The following PACS2 variants were observed in gnomAD, a reference collection of about 807,000 sequenced individuals.
The protein encoded by PACS2 is phosphofurin acidic cluster sorting protein 2, also known as PACS1-like protein.
PACS2 carries 36 observed loss-of-function variants against 113.0 expected under a neutral mutation model. That is an observed-to-expected ratio of 0.32 (90% CI 0.24 to 0.42). The LOEUF is 0.42. Ranked by LOEUF, PACS2 falls within the 10% of genes least tolerant of loss-of-function variation. The probability of loss-of-function intolerance (pLI) is 1.00; values close to 1 mark genes in which losing one functional copy is unlikely to be tolerated. For synonymous variants in PACS2, 589 were observed against 536.1 expected, an observed-to-expected ratio of 1.10 and a Z score of -1.36; for missense variants, 1,015 against 1,239.5, an observed-to-expected ratio of 0.82 and a Z score of 2.72.
chr14:105,335,262 C>T (rs1005613466), intron 1 of PACS2, among the ~76,000 whole-genome samples: 4 of 152,264 alleles, frequency 2.6e-5, no homozygotes, highest in Non-Finnish European at 5.9e-5. Flanking sequence ...TTGCTGGAGC[C>T]GTGGTGCTCC....
chr14:105,388,134 C>T (rs1842553135), intron 19 of PACS2, among the ~76,000 whole-genome samples: 1 of 152,164 alleles, frequency 6.6e-6, no homozygotes, highest in African/African-American at 2.4e-5. Context: ...GGAACTAGGC[C>T]TGGGGCATCT....
chr14:105,352,102 G>A (rs782606100), intron 2 of PACS2, among the ~76,000 whole-genome samples: 12 of 152,214 alleles, frequency 7.9e-5, no homozygotes, highest in East Asian at 1.9e-4. Context: ...TTTTGTGATC[G>A]CGTTAACTTC....
Position 105,340,956 on chromosome 14 carries a change from C to G in PACS2, c.120-7537C>G, listed in dbSNP as rs587656369. On this transcript the variant is annotated intron_variant, in intron 1 of 24. Transcript: ENST00000447393. This position sits in a 1 kb window ranked among gnomAD's most constrained non-coding sequence, Gnocchi z 4.2. ...CCGTCTCTGGCCACGTAGCCGTCAC[C>G]CAGCTAGCATGGGGAGGCTCGCTAC... 2.0e-5 allele frequency among the ~76,000 whole-genome samples: 3 copies of G among 152,352 alleles called. No individual in the cohort carries two copies. The highest frequency in any genetic ancestry group is 7.2e-5 in the African/African-American group (3 of 41,586).
chr14:105,318,152 G>T (rs1409414637), intron 1 of PACS2, among the ~76,000 whole-genome samples: 2 of 152,252 alleles, frequency 1.3e-5, no homozygotes, highest in South Asian at 2.1e-4. Flanking sequence ...TATGTATTTT[G>T]TTGTTGTTGT....
At chr14:105,368,941 T>C (rs2061050661) in intron 7 of PACS2, among the ~76,000 whole-genome samples, 1 of 152,242 alleles carries the variant, frequency 6.6e-6, no homozygotes. Flanking sequence ...CCCAGGAGCT[T>C]GGCAGGGCTG....
At position 105,391,745 on chromosome 14, in the gene PACS2, G is replaced by A; in HGVS notation, c.2234G>A (p.Ser745Asn). The change falls in exon 22 of 25, where the codon AGC becomes AAC. Residue 745 changes from serine to asparagine, a missense_variant. Physicochemically the swap from Ser to Asn is conservative, Grantham distance 46. Around this residue, in one of 3 missense-constraint regions of PACS2, gnomAD observed 859 missense variants for 1,056.8 expected, o/e 0.81. Transcript: ENST00000447393. Reference protein sequence around the residue: ...SPTPPSSPSVSGGLSSPSQGV... With the variant: ...SPTPPSSPSVNGGLSSPSQGV... ...ACCCCGCCCTCCTCCCCGTCGGTGA[G>A]CGGAGGCCTGTCCTCCCCCAGGTAA... The A allele has an allele frequency of 6.3e-7, 1 of 1,595,636 alleles. No individual in the cohort carries two copies. The highest frequency in any genetic ancestry group is 8.5e-7 in the Non-Finnish European group (1 of 1,172,208).
At chr14:105,313,299 C>T (rs2058402053), upstream of PACS2, among the ~76,000 whole-genome samples, 2 of 152,198 alleles carry the variant, frequency 1.3e-5, no homozygotes, top group Admixed American at 6.6e-5. Flanking sequence ...ACAGCCTGTC[C>T]TCCTGGGGTA....
chr14:105,364,288 G>A (rs1250612958), intron 4 of PACS2, among the ~76,000 whole-genome samples: 3 of 138,216 alleles, frequency 2.2e-5, no homozygotes, highest in African/African-American at 1.0e-4. Flanking sequence ...GGTGGGCGGC[G>A]GCCTGCGGGT....
intron 1 of PACS2, among the ~76,000 whole-genome samples, chr14:105,334,657 C>G (rs1208933987): frequency 6.6e-6 from 1 of 152,186 alleles, no homozygotes; most frequent in African/African-American, 2.4e-5. Context: ...TAGAGCTCCA[C>G]CTGAGGGCCA....
rs1197920027 is a variant in PACS2 at position 105,394,669 on chromosome 14, C to G, written c.2712C>G (p.Phe904Leu). 1 of 1,604,742 alleles carries G rather than the reference C, an allele frequency of 6.2e-7. No individual in the cohort carries two copies. The highest frequency in any genetic ancestry group is 2.2e-5 in the East Asian group (1 of 44,840). ...TCTTCGGACACTCCAAGGCCACCTT[C>G]TAGCCCCACCCACCAGGGGGCCCAC... ...ICIFGHSKAT[F>L] Residue 904 changes from phenylalanine to leucine, a missense_variant, in exon 25 of 25, where the codon TTC becomes TTG. Phe to Leu is a conservative substitution (Grantham distance 22). Coordinates refer to ENST00000447393, the MANE Select transcript of PACS2 (RefSeq NM_001100913.3).
chr14:105,337,909 C>T (rs587726325), intron 1 of PACS2, among the ~76,000 whole-genome samples: 2 of 152,360 alleles, frequency 1.3e-5, no homozygotes, highest in South Asian at 2.1e-4. Flanking sequence ...TCTCAGCCCC[C>T]ACATGTGCAC....
chr14:105,326,905 G>T (rs587635832), intron 1 of PACS2, among the ~76,000 whole-genome samples: 1 of 152,294 alleles, frequency 6.6e-6, no homozygotes, highest in South Asian at 2.1e-4. Context: ...CTGTTCCTTC[G>T]GCTCCTGCAG....
In PACS2 at chr14:105,380,128, G is replaced by C. The variant is rs782010997; in HGVS notation, c.1099G>C (p.Asp367His). 6.4e-7 allele frequency: 1 copy of C among 1,552,704 alleles called. No homozygotes were observed. Among genetic ancestry groups the C allele is most frequent in the South Asian group, 1.2e-5 (1 of 84,156 alleles). Reference sequence around the variant, plus strand: ...GTCCCTGGGAGGCAGGCAGCCGAGCGACAGTGTCTCTGACACGGTGGCCCT... The same window carrying C: ...GTCCCTGGGAGGCAGGCAGCCGAGCCACAGTGTCTCTGACACGGTGGCCCT... ...TRSLGGRQPS[D>H]SVSDTVALGV... is the part of the protein sequence containing the mutation. The change falls in exon 11 of 25, where the codon GAC (aspartate) becomes CAC (histidine). Residue 367 changes from aspartate (D) to histidine (H), a missense_variant. Asp to His is a moderately conservative substitution (Grantham distance 81). Around this residue, in one of 3 missense-constraint regions of PACS2, gnomAD observed 859 missense variants for 1,056.8 expected, o/e 0.81. Coordinates refer to ENST00000447393, the MANE Select transcript of PACS2 (RefSeq NM_001100913.3).
chr14:105,317,855 G>A lies in PACS2; in HGVS notation c.119+2818G>A, dbSNP rs1433857136. ...GAGGCAGCCGGAGAAGTCTGCCCCC[G>A]GGAGCTTGAACTGGGCATGCTGGGC... On this transcript the variant is annotated intron_variant, in intron 1 of 24. Coordinates refer to ENST00000447393, the MANE Select transcript of PACS2 (RefSeq NM_001100913.3). This position sits in a 1 kb window ranked among gnomAD's most constrained non-coding sequence, Gnocchi z 4.2. 6.6e-6 allele frequency among the ~76,000 whole-genome samples: 1 copy of A among 152,148 alleles called. No individual in the cohort carries two copies. The highest frequency in any genetic ancestry group is 1.5e-5 in the Non-Finnish European group (1 of 68,040).
rs2058282037 is a variant in PACS2, at chr14:105,309,356, A to C, written c.-83+8377A>C. On this transcript the variant is annotated intron_variant, in intron 1 of 23. Transcript: ENST00000430725. The surrounding 1 kb of genome is among the most constrained non-coding windows in gnomAD (Gnocchi z 4.0). ...GATTTGTCACACAATCACATATCTG[A>C]GAATTTCCCCATGTTGCTAAAACTG... 2.0e-5 allele frequency among the ~76,000 whole-genome samples: 3 copies of C among 151,946 alleles called. No homozygotes were observed. The highest frequency in any genetic ancestry group is 4.1e-4 in the South Asian group (2 of 4,830).
chr14:105,388,612 G>A (rs1439387731), intron 19 of PACS2: 1 of 152,308 alleles, frequency 6.6e-6, no homozygotes, highest in African/African-American at 2.4e-5. Context: ...TCTGCACCTG[G>A]TGCCGGGCTG....
rs917186951 is a variant in PACS2 at position 105,323,456 on chromosome 14, C to T, written c.119+8419C>T. Among the ~76,000 whole-genome samples, 2 of 152,232 alleles carry T rather than the reference C, an allele frequency of 1.3e-5. No individual in the cohort carries two copies. Among genetic ancestry groups the T allele is most frequent in the Admixed American group, 6.5e-5 (1 of 15,288 alleles). On this transcript the variant is annotated intron_variant, in intron 1 of 24. Transcript: ENST00000447393. The surrounding 1 kb of genome is among the most constrained non-coding windows in gnomAD (Gnocchi z 4.1). ...CCGCTGCCAGCCTGCACGAGACTCT[C>T]ACGGCGGGACCCTGTCTGCCTTGCT...
At chr14:105,382,434 C>T in intron 13 of PACS2, 43 bp from the exon 14 acceptor site, 1 of 1,178,318 alleles carries the variant, frequency 8.5e-7, no homozygotes, top group East Asian at 2.3e-5. Flanking sequence ...GGGATGGGCG[C>T]TGTGCTTCTC....
At chr14:105,351,947 C>G (rs868974809) in intron 2 of PACS2, among the ~76,000 whole-genome samples, 1 of 152,254 alleles carries the variant, frequency 6.6e-6, no homozygotes, top group Non-Finnish European at 1.5e-5. Flanking sequence ...TGCTTGAGCC[C>G]GGGAGCTCAA....
Sources: gnomAD v4.1 joint callset for allele counts (sites outside exome capture counted in the v4.1 genomes callset) on GRCh38, gnomAD v4.1.1 for gene constraint, gnomAD v4.1.1 regional missense constraint, Gnocchi (gnomAD v3.1) non-coding constraint, MANE v1.5 for transcripts, NCBI Gene and HGNC (gene_info 2026-07-23, HGNC 2026-07-21) for gene names.